KIF27: variants seen among roughly 807,000 people sequenced by gnomAD.
The protein encoded by KIF27 is kinesin family member 27.
KIF27 carries 84 observed loss-of-function variants against 141.8 expected under a neutral mutation model. That is an observed-to-expected ratio of 0.59 (90% CI 0.50 to 0.71). The LOEUF (loss-of-function observed/expected upper bound fraction) is 0.71. Among genes scored for constraint, KIF27 ranks in the 30% least tolerant of loss-of-function variants. KIF27 has a pLI of 0.00. For missense variants in KIF27, 1,306 were observed against 1,628.4 expected (o/e 0.80, Z 3.41); for synonymous variants, 471 against 569.5 (o/e 0.83, Z 2.46).
At chr9:83,879,107 G>C (rs1394992415) in intron 11 of KIF27, among the ~76,000 whole-genome samples, 4 of 150,382 alleles carry the variant, frequency 2.7e-5, no homozygotes, top group Non-Finnish European at 5.9e-5. Flanking sequence ...GAACCCAGGA[G>C]GCGGAGGTTG....
intron 9 of KIF27, among the ~76,000 whole-genome samples, chr9:83,886,193 G>A (rs1194074319): frequency 1.3e-5 from 2 of 152,106 alleles, no homozygotes; most frequent in African/African-American, 2.4e-5. Flanking sequence ...TCAGGGTACT[G>A]CCTGTGGAAG....
chr9:83,838,558 A>G (rs1192317975), intron 17 of KIF27, among the ~76,000 whole-genome samples: 1 of 152,242 alleles, frequency 6.6e-6, no homozygotes, highest in African/African-American at 2.4e-5. Flanking sequence ...ACAAAGTTTT[A>G]AAACACAGGT....
intron 10 of KIF27, among the ~76,000 whole-genome samples, chr9:83,883,112 T>C (rs1370676596): frequency 2.0e-5 from 3 of 152,110 alleles, no homozygotes; most frequent in Non-Finnish European, 4.4e-5. Context: ...ATAGGTTAAT[T>C]ACAACTCTAC....
chr9:83,918,325 G>GC (rs887354121), intron 1 of KIF27, among the ~76,000 whole-genome samples: 1 of 143,548 alleles, frequency 7.0e-6, no homozygotes, highest in Admixed American at 6.8e-5. Context: ...GAGAGAAATG[G>GC]GGGGGGGGCA....
Position 83,903,393 on chromosome 9 carries a change from A to G in KIF27, c.1125T>C (p.Ala375=). The change falls in exon 4 of 18, where the codon GCT becomes GCC. Residue 375 remains alanine (A), a synonymous_variant. Transcript: ENST00000297814. ...LLREALQSQQ[A]GVSQTTQINR... ...TGATCTGGGTAGTTTGGCTGACACCAGCCTGCTGGCTTTGCAAAGCTTCTC... is the reference window on the plus strand; with the variant it reads ...TGATCTGGGTAGTTTGGCTGACACCGGCCTGCTGGCTTTGCAAAGCTTCTC... The G allele has an allele frequency of 1.2e-6, 2 of 1,614,088 alleles. No individual in the cohort carries two copies. Among genetic ancestry groups the G allele is most frequent in the South Asian group, 1.1e-5 (1 of 91,084 alleles).
chr9:83,903,608 C>A lies in KIF27; in HGVS notation c.910G>T (p.Asp304Tyr). 6.2e-7 allele frequency: 1 copy of A among 1,614,190 alleles called. No homozygotes were observed. Among genetic ancestry groups the A allele is most frequent in the South Asian group, 1.1e-5 (1 of 91,084 alleles). The part of the protein sequence containing the change: ...RDAKITRLLK[D>Y]SLGGSAKTVM... ...GTCTTAGCACTGCCTCCCAGAGAAT[C>A]TTTCAGAAGCCGGGTAATTTTAGCA... Residue 304 changes from aspartate (D) to tyrosine (Y), a missense_variant, in exon 4 of 18, where the codon GAT (aspartate) becomes TAT (tyrosine). This residue lies in a region of KIF27 where 533 missense variants were observed against 565.6 expected (regional missense o/e 0.94). Coordinates refer to ENST00000297814, the MANE Select transcript of KIF27 (RefSeq NM_017576.4).
intron 10 of KIF27, among the ~76,000 whole-genome samples, chr9:83,881,255 G>T (rs538191148): frequency 6.6e-6 from 1 of 152,186 alleles, no homozygotes; most frequent in Admixed American, 6.5e-5. Flanking sequence ...AAATACTTGT[G>T]TTACAATTTA....
intron 5 of KIF27, among the ~76,000 whole-genome samples, chr9:83,896,076 CAAAA>C (rs1953213321): frequency 1.0e-5 from 1 of 96,394 alleles, no homozygotes. Flanking sequence ...AAAAAAAAAA[CAAAA>C]CACACACAAG....
intron 12 of KIF27, among the ~76,000 whole-genome samples, chr9:83,869,176 T>C (rs574321454): frequency 1.3e-4 from 20 of 152,312 alleles, no homozygotes; most frequent in African/African-American, 4.3e-4. Context: ...CACTATTAAA[T>C]GTCACTAAGA....
intron 5 of KIF27, among the ~76,000 whole-genome samples, chr9:83,897,087 A>G (rs1668910320): frequency 6.6e-6 from 1 of 152,192 alleles, no homozygotes; most frequent in Non-Finnish European, 1.5e-5. Context: ...TATGTGAATT[A>G]TATCTCAATA....
intron 11 of KIF27, among the ~76,000 whole-genome samples, chr9:83,871,803 C>T (rs989439838): frequency 5.3e-5 from 8 of 152,030 alleles, no homozygotes; most frequent in Middle Eastern, 3.4e-3. Flanking sequence ...ATTCTCATGC[C>T]TCAGCCTCCT....
chr9:83,890,131 TCA>T (rs576741618), intron 6 of KIF27, among the ~76,000 whole-genome samples: 103 of 152,316 alleles, frequency 6.8e-4, no homozygotes, highest in South Asian at 4.6e-3. Context: ...AATATGAGTA[TCA>T]CACAGTGTTT....
intron 14 of KIF27, among the ~76,000 whole-genome samples, chr9:83,855,358 T>C (rs937881237): frequency 7.9e-5 from 12 of 152,152 alleles, no homozygotes; most frequent in African/African-American, 2.9e-4. Context: ...ATTTCTGATC[T>C]ACCTAAAGAA....
At chr9:83,874,381 A>G (rs1347713595) in intron 11 of KIF27, among the ~76,000 whole-genome samples, 1 of 152,196 alleles carries the variant, frequency 6.6e-6, no homozygotes, top group Non-Finnish European at 1.5e-5. Flanking sequence ...ACCGCTCTGA[A>G]GAGAACCTAT....
chr9:83,917,372 TTAATA>T (rs1485069436), intron 1 of KIF27, among the ~76,000 whole-genome samples: 2 of 152,206 alleles, frequency 1.3e-5, no homozygotes. Context: ...GAAAGATATA[TTAATA>T]TGTCAGTATT....
At chr9:83,852,668 T>C (rs1948743207) in intron 15 of KIF27, among the ~76,000 whole-genome samples, 1 of 152,196 alleles carries the variant, frequency 6.6e-6, no homozygotes, top group Non-Finnish European at 1.5e-5. Context: ...GTTGTTCTGT[T>C]GCCCCAGACT....
chr9:83,914,711 T>C (rs1424158245), intron 2 of KIF27, among the ~76,000 whole-genome samples: 1 of 152,176 alleles, frequency 6.6e-6, no homozygotes, highest in African/African-American at 2.4e-5. Flanking sequence ...AACAGAGGAC[T>C]TGGCTGTCAA....
At chr9:83,848,256 T>TATATATGATATATCAGATATATC (rs1947915482) in intron 16 of KIF27, among the ~76,000 whole-genome samples, 2 of 92,164 alleles carry the variant, frequency 2.2e-5, no homozygotes, top group African/African-American at 8.9e-5. Flanking sequence ...TCAGATATGA[T>TATATATGATATATCAGATATATC]ATATATGATA....
chr9:83,915,484 T>C lies in KIF27; in HGVS notation c.108A>G (p.Gln36=), dbSNP rs367983213. 2.5e-6 allele frequency: 4 copies of C among 1,613,872 alleles called. No homozygotes were observed. Among genetic ancestry groups the C allele is most frequent in the Non-Finnish European group, 2.5e-6 (3 of 1,179,838 alleles). Residue 36 remains glutamine, a synonymous_variant, in exon 2 of 18, where the codon CAA becomes CAG. Coordinates refer to ENST00000297814, the MANE Select transcript of KIF27 (RefSeq NM_017576.4). The stretch of plus-strand genomic sequence containing the variant: ...AGACTCTATCTCTCCCAATGATAAC[T>C]TGCTGGCTGTTTGGAATAACTCTCA... ...VCVRVIPNSQ[Q]VIIGRDRVFT... is the part of the protein sequence containing the mutation.
Sources: allele counts gnomAD v4.1 joint callset (sites outside exome capture counted in the v4.1 genomes callset), GRCh38; gene constraint gnomAD v4.1.1; regional missense constraint gnomAD v4.1.1; transcripts MANE v1.5; gene names NCBI Gene and HGNC (gene_info 2026-07-23, HGNC 2026-07-21).